RBFOX1: variants seen among roughly 807,000 people sequenced by gnomAD.
RBFOX1 encodes the protein RNA binding fox-1 homolog 1.
In RBFOX1, 8 loss-of-function variants were observed where a neutral mutation model predicts 57.7. The observed-to-expected ratio is 0.14, with a 90% confidence interval of 0.08 to 0.25. RBFOX1 has a LOEUF of 0.25. RBFOX1 is among the 10% of genes least tolerant of loss of function. The pLI, the probability that RBFOX1 is intolerant of heterozygous loss-of-function variation, is 1.00. For missense variants in RBFOX1, 611 were observed against 548.5 expected (o/e 1.11, Z -1.14); for synonymous variants, 326 against 222.4 (o/e 1.47, Z -4.15).
chr16:6,070,837 T>C (rs2095828315), intron 1 of RBFOX1, among the ~76,000 whole-genome samples: 1 of 151,070 alleles, frequency 6.6e-6, no homozygotes, highest in Non-Finnish European at 1.5e-5. Context: ...CACACACATT[T>C]GCACTAAACT....
chr16:6,827,596 C>T (rs999777747), intron 3 of RBFOX1, among the ~76,000 whole-genome samples: 1 of 152,198 alleles, frequency 6.6e-6, no homozygotes, highest in Non-Finnish European at 1.5e-5. Flanking sequence ...GGGCCAGTCT[C>T]AGAGTATCCC....
chr16:6,193,423 TATAA>T lies in RBFOX1; in HGVS notation c.-126-123570_-126-123567del, dbSNP rs1389613915. ...ATATATATATATATATATATATATA[TATAA>T]AATTCAGTGAGAAGGTTAGTAGGAA... On this transcript the variant is annotated intron_variant, in intron 1 of 15. Coordinates refer to ENST00000550418, the MANE Select transcript of RBFOX1 (RefSeq NM_018723.4). Among the ~76,000 whole-genome samples, 17 of 94,778 alleles carry T rather than the reference TATAA, an allele frequency of 1.8e-4. 1 individual carries two copies. Among genetic ancestry groups the T allele is most frequent in the Admixed American group, 6.4e-4 (5 of 7,840 alleles). The allele number at this position is 94,778 out of a possible 152,430, so 62.2% of individuals were successfully genotyped here. A position where few individuals can be genotyped will look rare whatever the true frequency, so the allele number is the denominator to read the frequency against.
chr16:7,016,853 G>T (rs185114176), intron 3 of RBFOX1, among the ~76,000 whole-genome samples: 2 of 152,178 alleles, frequency 1.3e-5, no homozygotes, highest in African/African-American at 4.8e-5. Context: ...ACTTGCTGCA[G>T]AGAACTTAAG....
intron 4 of RBFOX1, among the ~76,000 whole-genome samples, chr16:7,503,383 A>C (rs1211567612): frequency 6.6e-6 from 1 of 152,222 alleles, no homozygotes; most frequent in African/African-American, 2.4e-5. Context: ...CTCCTTTAGA[A>C]GCAGGCAGAG....
intron 4 of RBFOX1, among the ~76,000 whole-genome samples, chr16:7,054,927 G>C (rs560314882): frequency 9.9e-5 from 15 of 152,262 alleles, no homozygotes; most frequent in African/African-American, 2.6e-4. Context: ...GAAAGATAAA[G>C]CTGCGCTTTC....
Position 5,525,422 on chromosome 16 carries a change from A to T in RBFOX1, c.258+58168A>T, listed in dbSNP as rs564026888. 6.6e-5 allele frequency among the ~76,000 whole-genome samples: 10 copies of T among 150,536 alleles called. No homozygotes were observed. In the East Asian group the frequency reaches 2.0e-3, roughly 30 times the overall value. The stretch of plus-strand genomic sequence containing the variant: ...CAGATGCAGAGAAGGTGAGTGGTTT[A>T]TCCAAGGTCACACAGGGTGGGCAGA... On this transcript the variant is annotated intron_variant, in intron 2 of 2. Transcript: ENST00000585867.
At chr16:6,760,248 T>C (rs1167029013) in intron 3 of RBFOX1, among the ~76,000 whole-genome samples, 2 of 152,164 alleles carry the variant, frequency 1.3e-5, no homozygotes, top group Non-Finnish European at 2.9e-5. Context: ...AGGAAACAAA[T>C]TGCAAATGGT....
intron 2 of RBFOX1, among the ~76,000 whole-genome samples, chr16:6,601,504 G>C (rs927390898): frequency 9.2e-5 from 14 of 152,088 alleles, no homozygotes; most frequent in Non-Finnish European, 2.1e-4. Context: ...AGCTATACCA[G>C]CGTAAGGATC....
At position 6,145,717 on chromosome 16, in the gene RBFOX1, C is replaced by G. The variant is rs141753171; in HGVS notation, c.-127+125725C>G. Among the ~76,000 whole-genome samples the G allele has an allele frequency of 4.2e-3, 637 of 152,068 alleles. 14 individuals carry two copies. The highest frequency in any genetic ancestry group is 0.037 in the Admixed American group (563 of 15,252). Reference sequence around the variant, plus strand: ...TATTTTCAATGTTTATGGCATACGTCCATTATTTAAAACCTCAGGAGGAGA... The same window carrying G: ...TATTTTCAATGTTTATGGCATACGTGCATTATTTAAAACCTCAGGAGGAGA... On this transcript the variant is annotated intron_variant, in intron 1 of 15. Coordinates refer to ENST00000550418, the MANE Select transcript of RBFOX1 (RefSeq NM_018723.4).
At chr16:5,815,725 G>A (rs997656983) in intron 3 of RBFOX1, among the ~76,000 whole-genome samples, 2 of 152,130 alleles carry the variant, frequency 1.3e-5, no homozygotes, top group Non-Finnish European at 2.9e-5. Flanking sequence ...TAAAACCATT[G>A]CAATACAATG....
intron 4 of RBFOX1, among the ~76,000 whole-genome samples, chr16:6,008,553 G>A (rs2094940920): frequency 6.6e-6 from 1 of 152,154 alleles, no homozygotes; most frequent in African/African-American, 2.4e-5. Flanking sequence ...CAAGATTGCG[G>A]TTAAGGTTGA....
At chr16:7,396,116 G>C (rs1003328096) in intron 4 of RBFOX1, among the ~76,000 whole-genome samples, 2 of 152,048 alleles carry the variant, frequency 1.3e-5, no homozygotes, top group African/African-American at 4.8e-5. Flanking sequence ...AGGGGATTGA[G>C]GGCTGTTCTT....
At chr16:6,768,461 G>C (rs11647100) in intron 3 of RBFOX1, among the ~76,000 whole-genome samples, 2 of 151,560 alleles carry the variant, frequency 1.3e-5, no homozygotes, top group Admixed American at 1.3e-4. Flanking sequence ...TTCCCCCCCA[G>C]CCCACACAAG....
At chr16:6,819,093 A>T (rs1039070662) in intron 3 of RBFOX1, among the ~76,000 whole-genome samples, 4 of 152,124 alleles carry the variant, frequency 2.6e-5, no homozygotes, top group African/African-American at 9.7e-5. Flanking sequence ...AACACCACAG[A>T]CTTCCGGTTT....
rs560172963 is a variant in RBFOX1 at position 7,289,764 on chromosome 16, A to G, written c.28-228383A>G. On this transcript the variant is annotated intron_variant, in intron 4 of 15. Transcript: ENST00000550418. ...GAAATTTAGTGTATTAGTCCATGCT[A>G]TCAAATTTAGTCTTGTGAGATAAAA... Among the ~76,000 whole-genome samples the G allele has an allele frequency of 3.9e-5, 6 of 152,338 alleles. No homozygotes were observed. In the South Asian group the frequency reaches 1.2e-3, roughly 32 times the overall value.
At chr16:6,896,975 A>C (rs1387462426) in intron 3 of RBFOX1, among the ~76,000 whole-genome samples, 1 of 152,194 alleles carries the variant, frequency 6.6e-6, no homozygotes, top group African/African-American at 2.4e-5. Context: ...CAGGCCGTCT[A>C]AGGAAATGTC....
intron 5 of RBFOX1, among the ~76,000 whole-genome samples, chr16:7,521,532 G>C (rs1026791573): frequency 1.3e-5 from 2 of 152,146 alleles, no homozygotes; most frequent in African/African-American, 4.8e-5. Context: ...CAACACAATT[G>C]AATTTAAATA....
At chr16:7,519,898 T>A (rs964584162) in intron 5 of RBFOX1, 1 of 243,270 alleles carries the variant, frequency 4.1e-6, no homozygotes, top group Non-Finnish European at 6.6e-6. Context: ...TTGTTTTTGT[T>A]TTTTTGAGAT....
chr16:6,836,390 C>T (rs1338756659), intron 3 of RBFOX1, among the ~76,000 whole-genome samples: 4 of 152,178 alleles, frequency 2.6e-5, no homozygotes, highest in African/African-American at 2.4e-5. Context: ...CCAGAAACCC[C>T]ATAGGGTTTT....
Sources: allele counts gnomAD v4.1 joint callset (sites outside exome capture counted in the v4.1 genomes callset), GRCh38; gene constraint gnomAD v4.1.1; transcripts MANE v1.5; gene names NCBI Gene and HGNC (gene_info 2026-07-23, HGNC 2026-07-21).